The following MINDY2 variants were observed in gnomAD, a reference collection of about 807,000 sequenced individuals.
MINDY2 encodes the protein MINDY lysine 48 deubiquitinase 2, also known as ubiquitin carboxyl-terminal hydrolase MINDY-2.
MINDY2 carries 52 observed loss-of-function variants against 68.2 expected under a neutral mutation model. The observed-to-expected ratio is 0.76, with a 90% CI of 0.61 to 0.96. The LOEUF is 0.96. Ranked by LOEUF, MINDY2 falls within the 40% of genes least tolerant of loss-of-function variation. MINDY2 has a pLI of 0.00. For missense variants in MINDY2, 881 were observed against 773.4 expected, an observed-to-expected ratio of 1.14 and a Z score of -1.65; for synonymous variants, 372 against 303.0, an observed-to-expected ratio of 1.23 and a Z score of -2.36.
At chr15:58,846,694 A>G (rs776622905) in intron 6 of MINDY2, among the ~76,000 whole-genome samples, 1 of 152,194 alleles carries the variant, frequency 6.6e-6, no homozygotes, top group Admixed American at 6.5e-5. Flanking sequence ...GTATGCACGT[A>G]CAGAGTTTAT....
At chr15:58,852,927 T>TG (rs2032896082) in intron 8 of MINDY2, among the ~76,000 whole-genome samples, 1 of 2,072 alleles carries the variant, frequency 4.8e-4, no homozygotes, top group Non-Finnish European at 2.1e-3. Flanking sequence ...TTCCTGTTTT[T>TG]TTTTTTTTTT....
rs1166866535 is a variant in MINDY2, at chr15:58,860,156, G to T, written c.*5546G>T. On this transcript the variant is annotated 3_prime_UTR_variant, in exon 9 of 9. Transcript: ENST00000559228. Reference sequence around the variant, plus strand: ...TTAATATCCAGTTTTAATCTGCACTGTAATATCCTGCTTTGAGAAGAAAGA... The same window carrying T: ...TTAATATCCAGTTTTAATCTGCACTTTAATATCCTGCTTTGAGAAGAAAGA... The T allele has an allele frequency of 6.6e-6, 1 of 152,190 alleles. No homozygotes were observed. Among genetic ancestry groups the T allele is most frequent in the Admixed American group, 6.5e-5 (1 of 15,284 alleles). 9.4% of individuals were successfully genotyped at this position (152,190 alleles called of 1,614,324 possible).
intron 7 of MINDY2, 122 bp from the exon 8 acceptor site, chr15:58,851,649 C>G (rs2032818026): frequency 2.6e-6 from 2 of 773,086 alleles, no homozygotes; most frequent in Admixed American, 3.5e-5. Flanking sequence ...CTATATTGCC[C>G]AGGCCTGGTG....
In MINDY2 at chr15:58,831,844, T is replaced by A. The variant is rs751525843; in HGVS notation, c.1296T>A (p.Thr432=). 119 of 1,613,700 alleles carry A rather than the reference T, an allele frequency of 7.4e-5. No individual in the cohort carries two copies. Among genetic ancestry groups the A allele is most frequent in the Non-Finnish European group, 1.0e-4 (118 of 1,179,844 alleles). ...QLTYHGLCEL[T]STVQEGELCV... is the part of the protein sequence containing the mutation. ...CATACCATGGATTATGTGAACTAAC[T>A]TCAACGGTTCAGGAAGGAGAACTTT... The change falls in exon 6 of 9, where the codon ACT becomes ACA. Residue 432 remains threonine (T), a synonymous_variant. Coordinates refer to ENST00000559228, the MANE Select transcript of MINDY2 (RefSeq NM_001040450.3).
chr15:58,802,095 G>A (rs1902700888), intron 2 of MINDY2, among the ~76,000 whole-genome samples: 1 of 52,378 alleles, frequency 1.9e-5, no homozygotes, highest in Non-Finnish European at 4.1e-5. Flanking sequence ...TAAAATGGAA[G>A]TAAAAAGTTC....
intron 2 of MINDY2, among the ~76,000 whole-genome samples, chr15:58,797,163 A>G (rs1485849254): frequency 6.6e-6 from 1 of 152,166 alleles, no homozygotes; most frequent in East Asian, 1.9e-4. Context: ...GTAATTTAAA[A>G]ATATTGATTG....
chr15:58,839,562 C>T (rs948689273), intron 6 of MINDY2, among the ~76,000 whole-genome samples: 1 of 152,084 alleles, frequency 6.6e-6, no homozygotes, highest in Non-Finnish European at 1.5e-5. Flanking sequence ...AAACTGTTGA[C>T]CTCAGATGAT....
chr15:58,850,078 T>G lies in MINDY2; in HGVS notation c.1543-1693T>G, dbSNP rs2032742390. 2.0e-5 allele frequency among the ~76,000 whole-genome samples: 3 copies of G among 152,164 alleles called. No individual in the cohort carries two copies. The South Asian group carries it at 6.2e-4, about 31-fold the overall frequency. On this transcript the variant is annotated intron_variant, in intron 7 of 8. Transcript: ENST00000559228. ...TACCCATCCTCTGTATTATTTAAAA[T>G]TATCTTATTTTGAGGGTAGATGGGG...
intron 3 of MINDY2, among the ~76,000 whole-genome samples, chr15:58,808,542 C>G (rs1297835536): frequency 6.6e-6 from 1 of 152,024 alleles, no homozygotes; most frequent in African/African-American, 2.4e-5. Context: ...GGCTTGATAG[C>G]TCATCTCTAT....
intron 1 of MINDY2, among the ~76,000 whole-genome samples, chr15:58,785,560 AACAG>A (rs879559933): frequency 7.1e-4 from 108 of 152,192 alleles, no homozygotes; most frequent in Non-Finnish European, 1.2e-3. Context: ...TATTTAGAAA[AACAG>A]ACAGTCGACA....
At chr15:58,777,472 T>C (rs1021636576) in intron 1 of MINDY2, among the ~76,000 whole-genome samples, 1 of 152,016 alleles carries the variant, frequency 6.6e-6, no homozygotes, top group Non-Finnish European at 1.5e-5. Flanking sequence ...AGGCGATCAT[T>C]CATAATCTAT....
intron 6 of MINDY2, among the ~76,000 whole-genome samples, chr15:58,847,073 A>T (rs2032573232): frequency 6.6e-6 from 1 of 152,150 alleles, no homozygotes; most frequent in African/African-American, 2.4e-5. Context: ...AAGAGCTCTT[A>T]TTTCTTGTTA....
At chr15:58,828,176 T>A (rs1486963476) in intron 5 of MINDY2, among the ~76,000 whole-genome samples, 22 of 152,038 alleles carry the variant, frequency 1.4e-4, no homozygotes, top group Admixed American at 1.4e-3. Flanking sequence ...AAAAATCATA[T>A]GAGCTTTTAT....
intron 5 of MINDY2, among the ~76,000 whole-genome samples, chr15:58,825,526 A>G (rs1000135771): frequency 6.6e-6 from 1 of 152,236 alleles, no homozygotes; most frequent in South Asian, 2.1e-4. Context: ...AGACTTCACC[A>G]TAGCTATTCA....
At chr15:58,809,170 C>A (rs187202633) in intron 3 of MINDY2, among the ~76,000 whole-genome samples, 3 of 152,268 alleles carry the variant, frequency 2.0e-5, no homozygotes, top group Non-Finnish European at 4.4e-5. Context: ...CATGATCATA[C>A]CACTGCACTC....
At chr15:58,779,845 T>C (rs1327345434) in intron 1 of MINDY2, among the ~76,000 whole-genome samples, 1 of 152,202 alleles carries the variant, frequency 6.6e-6, no homozygotes, top group East Asian at 1.9e-4. Flanking sequence ...GTTCATTTTT[T>C]CTTCTCCCCT....
intron 6 of MINDY2, among the ~76,000 whole-genome samples, chr15:58,836,196 G>C (rs1316770008): frequency 2.0e-5 from 3 of 151,586 alleles, no homozygotes; most frequent in Non-Finnish European, 4.4e-5. Flanking sequence ...AGGCGTGAGC[G>C]ACCGCACCCG....
intron 6 of MINDY2, among the ~76,000 whole-genome samples, chr15:58,834,648 T>G (rs1475627190): frequency 1.3e-5 from 2 of 152,218 alleles, no homozygotes; most frequent in African/African-American, 4.8e-5. Context: ...TCATCTTTTT[T>G]TAGCCCTTAT....
chr15:58,780,089 C>A (rs1249033130), intron 1 of MINDY2, among the ~76,000 whole-genome samples: 4 of 152,070 alleles, frequency 2.6e-5, no homozygotes, highest in African/African-American at 9.7e-5. Context: ...CTTATGTAGA[C>A]TATTGTTCTT....
Sources: gnomAD v4.1 joint callset for allele counts (sites outside exome capture counted in the v4.1 genomes callset) on GRCh38, gnomAD v4.1.1 for gene constraint, MANE v1.5 for transcripts, NCBI Gene and HGNC (gene_info 2026-07-23, HGNC 2026-07-21) for gene names.